The following MYLK variants were observed in gnomAD, a reference collection of about 807,000 sequenced individuals.
The protein encoded by MYLK is myosin light chain kinase, also known as myosin light chain kinase, smooth muscle.
In MYLK, 106 loss-of-function variants were observed where a neutral mutation model predicts 203.4. The observed-to-expected ratio is 0.52, with a 90% confidence interval of 0.45 to 0.61. MYLK has a LOEUF of 0.61. MYLK is among the 20% of genes least tolerant of loss of function. The pLI is 0.00. For missense variants in MYLK, 2,072 were observed against 2,442.3 expected, an observed-to-expected ratio of 0.85 and a Z score of 3.20; for synonymous variants, 867 against 959.5, an observed-to-expected ratio of 0.90 and a Z score of 1.78.
intron 2 of MYLK, among the ~76,000 whole-genome samples, chr3:123,847,473 T>C (rs527337476): frequency 1.1e-4 from 16 of 152,282 alleles, no homozygotes; most frequent in African/African-American, 3.4e-4. Context: ...GGCATTCTTG[T>C]CTTTTTTATG....
intron 19 of MYLK, among the ~76,000 whole-genome samples, chr3:123,682,946 C>T: frequency 6.6e-6 from 1 of 152,086 alleles, no homozygotes; most frequent in Admixed American, 6.5e-5. Flanking sequence ...GCTGGGCGGA[C>T]CTAAAGATGC....
At chr3:123,744,144 G>A (rs1350131453) in intron 5 of MYLK, among the ~76,000 whole-genome samples, 1 of 152,162 alleles carries the variant, frequency 6.6e-6, no homozygotes, top group African/African-American at 2.4e-5. Flanking sequence ...ACACGTATGT[G>A]ATAATTTCAA....
At chr3:123,690,978 C>A (rs2060637341) in intron 19 of MYLK, among the ~76,000 whole-genome samples, 1 of 152,100 alleles carries the variant, frequency 6.6e-6, no homozygotes, top group Non-Finnish European at 1.5e-5. Context: ...AAAAAAAAAT[C>A]CCCAAGTGTA....
intron 20 of MYLK, among the ~76,000 whole-genome samples, chr3:123,673,513 CT>C (rs1463755617): frequency 6.6e-6 from 1 of 152,032 alleles, no homozygotes; most frequent in Non-Finnish European, 1.5e-5. Flanking sequence ...AAGTTTGGCC[CT>C]TTCATCTATG....
At chr3:123,856,858 C>A (rs1280553228) in intron 2 of MYLK, among the ~76,000 whole-genome samples, 1 of 151,962 alleles carries the variant, frequency 6.6e-6, no homozygotes, top group Non-Finnish European at 1.5e-5. Context: ...AGTGAACAAG[C>A]AACCTACAAA....
chr3:123,833,230 G>A (rs995810547), intron 2 of MYLK, among the ~76,000 whole-genome samples: 1 of 152,116 alleles, frequency 6.6e-6, no homozygotes, highest in Non-Finnish European at 1.5e-5. Context: ...CAGAACAGGT[G>A]TTTCTATAAG....
chr3:123,745,524 C>T (rs928571305), intron 5 of MYLK, among the ~76,000 whole-genome samples: 1 of 152,216 alleles, frequency 6.6e-6, no homozygotes, highest in Non-Finnish European at 1.5e-5. Flanking sequence ...TTGAAGCACT[C>T]TTTCTTTTAA....
At chr3:123,658,189 C>G (rs180881276) in intron 23 of MYLK, among the ~76,000 whole-genome samples, 1 of 152,332 alleles carries the variant, frequency 6.6e-6, no homozygotes, top group African/African-American at 2.4e-5. Context: ...CTTTTATTCT[C>G]AGAGGGCTGT....
intron 23 of MYLK, among the ~76,000 whole-genome samples, chr3:123,658,973 C>T (rs2059479042): frequency 6.6e-6 from 1 of 152,248 alleles, no homozygotes; most frequent in African/African-American, 2.4e-5. Context: ...AGCCACTTCC[C>T]AGTGCTGGCA....
intron 2 of MYLK, among the ~76,000 whole-genome samples, chr3:123,839,852 C>T (rs930888947): frequency 6.6e-6 from 1 of 152,126 alleles, no homozygotes; most frequent in Admixed American, 6.5e-5. Flanking sequence ...GAAATATTCT[C>T]TGATCGTTAT....
intron 4 of MYLK, among the ~76,000 whole-genome samples, chr3:123,791,959 A>T (rs2064799601): frequency 6.6e-6 from 1 of 152,252 alleles, no homozygotes; most frequent in South Asian, 2.1e-4. Context: ...CCAGAAATAC[A>T]GAAACAGCCA....
At position 123,708,826 on chromosome 3, in the gene MYLK, A is replaced by G. The variant is rs1422979473; in HGVS notation, c.2012T>C (p.Phe671Ser). Residue 671 changes from phenylalanine (F) to serine (S), a missense_variant, in exon 15 of 34, where the codon TTT (phenylalanine) becomes TCT (serine). Phe to Ser is a radical substitution (Grantham distance 155). Transcript: ENST00000360304. ...NEIQESEDFH[F>S]EQRGTQHSLC... ...GCTGTGCTGAGTTCCTCTCTGTTCA[A>G]AGTGGAAGTCCTCTGACTCTTGGAT... is the stretch of plus-strand genomic sequence containing the variant. 3 of 1,613,974 alleles carry G rather than the reference A, an allele frequency of 1.9e-6. No homozygotes were observed. The Admixed American group carries it at 5.0e-5, about 27-fold the overall frequency.
chr3:123,627,279 G>C (rs561611872), intron 30 of MYLK, among the ~76,000 whole-genome samples: 1 of 152,182 alleles, frequency 6.6e-6, no homozygotes. Flanking sequence ...CCAGGGTGGC[G>C]TCATTCTGCT....
intron 1 of MYLK, among the ~76,000 whole-genome samples, chr3:123,879,080 C>T (rs543948048): frequency 6.6e-6 from 1 of 152,292 alleles, no homozygotes; most frequent in South Asian, 2.1e-4. Context: ...GATTCCAGAA[C>T]TAGGAAGTGA....
chr3:123,649,343 TG>T, intron 24 of MYLK, 149 bp from the exon 25 acceptor site: 1 of 1,005,590 alleles, frequency 9.9e-7, no homozygotes, highest in East Asian at 2.6e-5. Flanking sequence ...CCCCTGGGGC[TG>T]GTCAGTCCAT....
At chr3:123,641,698 C>T (rs2058837580) in intron 27 of MYLK, among the ~76,000 whole-genome samples, 1 of 149,006 alleles carries the variant, frequency 6.7e-6, no homozygotes, top group Non-Finnish European at 1.5e-5. Context: ...ACCTATCTTC[C>T]TTCCTTCCTT....
intron 24 of MYLK, among the ~76,000 whole-genome samples, chr3:123,652,890 T>C (rs781450900): frequency 9.9e-5 from 15 of 151,988 alleles, no homozygotes; most frequent in Non-Finnish European, 1.3e-4. Flanking sequence ...GGCTCTGGCA[T>C]AGAGAAGCCA....
At chr3:123,873,333 A>T (rs924249910) in intron 2 of MYLK, among the ~76,000 whole-genome samples, 2 of 152,248 alleles carry the variant, frequency 1.3e-5, no homozygotes, top group African/African-American at 4.8e-5. Context: ...CCTATGACTA[A>T]TATCATACAA....
At chr3:123,827,696 T>C (rs1160127485) in intron 3 of MYLK, among the ~76,000 whole-genome samples, 7 of 1,852 alleles carry the variant, frequency 3.8e-3, no homozygotes, top group East Asian at 0.029. Flanking sequence ...AAAAACACCA[T>C]ATATATATAT....
Sources: allele counts gnomAD v4.1 joint callset (sites outside exome capture counted in the v4.1 genomes callset), GRCh38; gene constraint gnomAD v4.1.1; transcripts MANE v1.5; gene names NCBI Gene and HGNC (gene_info 2026-07-23, HGNC 2026-07-21).